The following SCUBE1 variants were observed in gnomAD, a reference collection of about 807,000 sequenced individuals.
SCUBE1 encodes the protein signal peptide, CUB domain and EGF like domain containing 1.
A neutral mutation model predicts 124.4 loss-of-function variants in SCUBE1; 59 were observed. The ratio of observed to expected loss-of-function variants is 0.47; its 90% CI spans 0.38 to 0.59. SCUBE1 has a LOEUF of 0.59. Among genes scored for constraint, SCUBE1 ranks in the 20% least tolerant of loss-of-function variants. The pLI is 0.00. For synonymous variants in SCUBE1, 545 were observed against 550.9 expected (o/e 0.99, Z 0.15); for missense variants, 1,150 against 1,371.2 (o/e 0.84, Z 2.55).
intron 3 of SCUBE1, among the ~76,000 whole-genome samples, chr22:43,292,598 C>CACACACA (rs1925406906): frequency 6.6e-6 from 1 of 152,088 alleles, no homozygotes; most frequent in Admixed American, 6.6e-5. Context: ...CACACACACT[C>CACACACA]TTCGGTGTTG....
At chr22:43,225,241 G>A (rs1250788731) in intron 10 of SCUBE1, among the ~76,000 whole-genome samples, 1 of 151,882 alleles carries the variant, frequency 6.6e-6, no homozygotes, top group Non-Finnish European at 1.5e-5. Flanking sequence ...CTCCCTTAGG[G>A]TTTATCCCAG....
In SCUBE1 at chr22:43,212,414, G is replaced by A. The variant is rs1258195730; in HGVS notation, c.2221+11C>T. ...CGGGGTGGGCGGGCGTGGTGGGGAG[G>A]GCATGCTCACCTTTAGCCTCGCAGT... is the stretch of plus-strand genomic sequence containing the variant. On this transcript the variant is annotated intron_variant, in intron 17 of 21. Transcript: ENST00000360835. 2 of 1,549,312 alleles carry A rather than the reference G, an allele frequency of 1.3e-6. No individual in the cohort carries two copies. Among genetic ancestry groups the A allele is most frequent in the Non-Finnish European group, 8.7e-7 (1 of 1,146,566 alleles).
chr22:43,300,283 GTTCCT>G (rs943467414), intron 3 of SCUBE1, among the ~76,000 whole-genome samples: 1 of 134,896 alleles, frequency 7.4e-6, no homozygotes, highest in African/African-American at 3.0e-5. Context: ...GCCAACACTT[GTTCCT>G]TTCTGGGCTT....
rs34148167 is a variant in SCUBE1, at chr22:43,232,561, C to T, written c.845-686G>A. On this transcript the variant is annotated intron_variant, in intron 7 of 21. Transcript: ENST00000360835. ...CTATGCAGCGGGCCTGACGCTCCCC[C>T]CTTTCCCAGCCTGACTCCCCGCCTG... 3.3e-5 allele frequency: 5 copies of T among 152,386 alleles called. No homozygotes were observed. The East Asian group carries it at 7.7e-4, about 24-fold the overall frequency. The allele number at this position is 152,386 out of a possible 1,614,324, so 9.4% of individuals were successfully genotyped here. A position where few individuals can be genotyped will look rare whatever the true frequency, so the allele number is the denominator to read the frequency against.
chr22:43,252,258 G>A (rs1332875121), intron 6 of SCUBE1, among the ~76,000 whole-genome samples: 5 of 152,196 alleles, frequency 3.3e-5, no homozygotes, highest in South Asian at 2.1e-4. Flanking sequence ...TTACAACTGC[G>A]CCTCCCATTG....
chr22:43,253,814 C>T (rs1257769873), intron 6 of SCUBE1, among the ~76,000 whole-genome samples: 1 of 152,252 alleles, frequency 6.6e-6, no homozygotes, highest in African/African-American at 2.4e-5. Flanking sequence ...ACCTAAGGGG[C>T]CCAGCTCCTG....
chr22:43,325,444 T>TAA (rs35598383), intron 2 of SCUBE1, among the ~76,000 whole-genome samples: 25,242 of 89,028 alleles, frequency 0.28, 3,913 homozygotes, highest in East Asian at 0.48. Flanking sequence ...ACTCCGTCTT[T>TAA]AAAAAAAAAA....
At chr22:43,209,623 G>A (rs1351382829) in intron 19 of SCUBE1, among the ~76,000 whole-genome samples, 1 of 152,220 alleles carries the variant, frequency 6.6e-6, no homozygotes, top group Non-Finnish European at 1.5e-5. Context: ...TGCATGGGAC[G>A]GCCGTGTGGT....
At position 43,211,059 on chromosome 22, in the gene SCUBE1, T is replaced by C; in HGVS notation, c.2246A>G (p.Tyr749Cys). 1 of 1,613,124 alleles carries C rather than the reference T, an allele frequency of 6.2e-7. No individual in the cohort carries two copies. The highest frequency in any genetic ancestry group is 2.2e-5 in the East Asian group (1 of 44,862). ...GATGCAGCGGTGGGTGGTGGTGTTG[T>C]AGTGGTGGCCGGGGGAGCAGTGCAC... ...AKVHCSPGHH[Y>C]NTTTHRCIRC... Residue 749 changes from tyrosine to cysteine, a missense_variant, in exon 18 of 22, where the codon TAC (tyrosine) becomes TGC (cysteine). Around this residue, in one of 3 missense-constraint regions of SCUBE1, gnomAD observed 757 missense variants for 840.9 expected, o/e 0.90. Coordinates refer to ENST00000360835, the MANE Select transcript of SCUBE1 (RefSeq NM_173050.5). This position sits in a 1 kb window ranked among gnomAD's most constrained non-coding sequence, Gnocchi z 4.5.
Position 43,258,059 on chromosome 22 carries a change from C to T in SCUBE1, c.727+160G>A, listed in dbSNP as rs548317915. On this transcript the variant is annotated intron_variant, in intron 6 of 21. Coordinates refer to ENST00000360835, the MANE Select transcript of SCUBE1 (RefSeq NM_173050.5). This position sits in a 1 kb window ranked among gnomAD's most constrained non-coding sequence, Gnocchi z 5.0. ...CCCCAGAAAGCCTCCCCAGGGGCGC[C>T]GGCCATCCCCGCCATTGCCATGGGC... Among the ~76,000 whole-genome samples, 8 of 151,920 alleles carry T rather than the reference C, an allele frequency of 5.3e-5. No homozygotes were observed. The highest frequency in any genetic ancestry group is 4.1e-4 in the South Asian group (2 of 4,834).
In SCUBE1 at chr22:43,198,460, GC is replaced by G. The variant is rs531721223; in HGVS notation, c.*5536del. 763 of 431,656 alleles carry G rather than the reference GC, an allele frequency of 1.8e-3. 17 individuals are homozygous for G. In the Middle Eastern group the frequency reaches 0.065, roughly 37 times the overall value. 26.7% of individuals were successfully genotyped at this position (431,656 alleles called of 1,614,324 possible). A position where few individuals can be genotyped will look rare whatever the true frequency, so the allele number is the denominator to read the frequency against. On this transcript the variant is annotated 3_prime_UTR_variant, in exon 22 of 22. Coordinates refer to ENST00000360835, the MANE Select transcript of SCUBE1 (RefSeq NM_173050.5). ...GATCAGGCCAACCCCAGCTCTGCCTGCCCAGGACTTACTCCTGGAAGGGCCA... is the reference window on the plus strand; with the variant it reads ...GATCAGGCCAACCCCAGCTCTGCCTGCCAGGACTTACTCCTGGAAGGGCCA...
At chr22:43,246,770 C>G (rs1923229618) in intron 6 of SCUBE1, among the ~76,000 whole-genome samples, 1 of 152,226 alleles carries the variant, frequency 6.6e-6, no homozygotes, top group Admixed American at 6.5e-5. Flanking sequence ...GATTAAACAA[C>G]AACCTGGGGC....
At chr22:43,219,723 T>C (rs528160230) in intron 14 of SCUBE1, among the ~76,000 whole-genome samples, 79 of 152,060 alleles carry the variant, frequency 5.2e-4, no homozygotes, top group African/African-American at 1.4e-3. Context: ...ATCCACCCAC[T>C]TTGGCCCTCC....
intron 6 of SCUBE1, among the ~76,000 whole-genome samples, chr22:43,246,917 A>C (rs554950548): frequency 4.2e-5 from 6 of 142,922 alleles, no homozygotes; most frequent in South Asian, 2.4e-4. Context: ...GCCTGTGTCC[A>C]TGCTCTCTCC....
At position 43,231,954 on chromosome 22, in the gene SCUBE1, C is replaced by T. The variant is rs529146949; in HGVS notation, c.845-79G>A. The T allele has an allele frequency of 3.8e-5, 60 of 1,561,564 alleles. No individual in the cohort carries two copies. The South Asian group carries it at 4.5e-4, about 12-fold the overall frequency. ...GACCAGCGGGGGGACGGCAGGCTAG[C>T]GGCAGGGGATGACACTGCCCTGAGT... On this transcript the variant is annotated intron_variant, in intron 7 of 21. Transcript: ENST00000360835.
intron 3 of SCUBE1, among the ~76,000 whole-genome samples, 156 bp downstream of exon 3, chr22:43,319,781 G>C (rs1418088507): frequency 2.0e-5 from 3 of 152,082 alleles, no homozygotes; most frequent in Non-Finnish European, 4.4e-5. Context: ...TGTTGTCTAA[G>C]CCACCCAGTC....
chr22:43,215,632 TG>T (rs917254512), intron 15 of SCUBE1, among the ~76,000 whole-genome samples: 1 of 152,176 alleles, frequency 6.6e-6, no homozygotes, highest in African/African-American at 2.4e-5. Flanking sequence ...TGCTGGACCC[TG>T]GGCCCTGAGT....
rs371472356 is a variant in SCUBE1 at position 43,274,533 on chromosome 22, G to A, written c.485-11688C>T. On this transcript the variant is annotated intron_variant, in intron 4 of 21. Coordinates refer to ENST00000360835, the MANE Select transcript of SCUBE1 (RefSeq NM_173050.5). ...CCAGGCCATGGCCTGCCACGAACAG[G>A]GAAAAGGTCTGTTTTTCCTTTCCAG... Among the ~76,000 whole-genome samples the A allele has an allele frequency of 3.9e-5, 6 of 152,316 alleles. No individual in the cohort carries two copies. The East Asian group carries it at 1.2e-3, about 29-fold the overall frequency.
intron 7 of SCUBE1, among the ~76,000 whole-genome samples, chr22:43,235,989 C>T (rs577625929): frequency 1.3e-5 from 2 of 152,294 alleles, no homozygotes; most frequent in African/African-American, 4.8e-5. Flanking sequence ...CCACGTGACC[C>T]CCACCTGCCC....
Sources: allele counts gnomAD v4.1 joint callset (sites outside exome capture counted in the v4.1 genomes callset), GRCh38; gene constraint gnomAD v4.1.1; regional missense constraint gnomAD v4.1.1; non-coding constraint Gnocchi (gnomAD v3.1); transcripts MANE v1.5; gene names NCBI Gene and HGNC (gene_info 2026-07-23, HGNC 2026-07-21).